The following STIM1 variants were observed in gnomAD, a reference collection of about 807,000 sequenced individuals.
STIM1 encodes the protein stromal interaction molecule 1.
In STIM1, 25 loss-of-function variants were observed where a neutral mutation model predicts 74.7. The ratio of observed to expected loss-of-function variants is 0.33; its 90% confidence interval spans 0.24 to 0.47. The LOEUF (loss-of-function observed/expected upper bound fraction) is 0.47. STIM1 is among the 20% of genes least tolerant of loss of function. STIM1 has a pLI of 1.00. For synonymous variants in STIM1, 328 were observed against 348.8 expected, an observed-to-expected ratio of 0.94 and a Z score of 0.66; for missense variants, 728 against 920.8, an observed-to-expected ratio of 0.79 and a Z score of 2.71.
intron 2 of STIM1, chr11:3,972,924 A>G: frequency 2.0e-6 from 1 of 505,538 alleles, no homozygotes; most frequent in South Asian, 1.4e-5. Flanking sequence ...TGCATCCAAA[A>G]TTTGAGGACT....
chr11:3,917,673 G>C (rs1283053313), intron 1 of STIM1, among the ~76,000 whole-genome samples: 1 of 152,062 alleles, frequency 6.6e-6, no homozygotes, highest in African/African-American at 2.4e-5. Context: ...GGACTCAAAC[G>C]ATCACCTGCC....
chr11:3,915,437 G>A (rs1321631105), intron 1 of STIM1, among the ~76,000 whole-genome samples: 2 of 148,018 alleles, frequency 1.4e-5, no homozygotes, highest in African/African-American at 5.0e-5. Flanking sequence ...TTGCTCTGTC[G>A]CCCAGGCTGG....
chr11:4,064,215 C>T (rs546510883), intron 5 of STIM1, among the ~76,000 whole-genome samples: 15 of 152,204 alleles, frequency 9.9e-5, no homozygotes, highest in African/African-American at 2.4e-4. Flanking sequence ...TGAAAATCGC[C>T]GGCTGGAATC....
chr11:3,992,664 C>T (rs1047642795), intron 2 of STIM1, among the ~76,000 whole-genome samples: 2 of 152,242 alleles, frequency 1.3e-5, no homozygotes, highest in South Asian at 4.1e-4. Flanking sequence ...TCTGCTCATA[C>T]TTTTGAGGTC....
intron 1 of STIM1, among the ~76,000 whole-genome samples, chr11:3,962,520 C>A (rs1162839700): frequency 1.3e-5 from 2 of 151,854 alleles, no homozygotes; most frequent in African/African-American, 4.8e-5. Context: ...TTGATGGACA[C>A]TAAAGTTGAT....
intron 1 of STIM1, among the ~76,000 whole-genome samples, chr11:3,860,500 A>G (rs11030106): frequency 0.25 from 38,382 of 152,152 alleles, 5,571 homozygotes; most frequent in South Asian, 0.39. Context: ...TAGAGGTATT[A>G]TATATACATG....
In STIM1 at chr11:3,966,009, A is replaced by AAAAC. The variant is rs139956777; in HGVS notation, c.140-1523_140-1520dup. On this transcript the variant is annotated intron_variant, in intron 1 of 12. Transcript: ENST00000526596. ...GCAACAGGGTGAGACTCTGTCTCAAAAAACAAACAAACAAACAAACAAAAA... is the reference window on the plus strand; with the variant it reads ...GCAACAGGGTGAGACTCTGTCTCAAAAAACAAACAAACAAACAAACAAACAAAAA... Among the ~76,000 whole-genome samples the AAAAC allele has an allele frequency of 1.3e-3, 191 of 152,218 alleles. 1 individual carries two copies. Among genetic ancestry groups the AAAAC allele is most frequent in the African/African-American group, 4.2e-3 (175 of 41,476 alleles).
chr11:3,971,305 G>A (rs2093391508), intron 2 of STIM1, among the ~76,000 whole-genome samples: 1 of 151,834 alleles, frequency 6.6e-6, no homozygotes, highest in African/African-American at 2.4e-5. Flanking sequence ...CGAGGCGGGT[G>A]GATCACGAGG....
chr11:3,901,244 A>G (rs1263637106), intron 1 of STIM1, among the ~76,000 whole-genome samples: 1 of 152,176 alleles, frequency 6.6e-6, no homozygotes, highest in Non-Finnish European at 1.5e-5. Flanking sequence ...CATTATTATT[A>G]TTACTCAGTA....
chr11:3,959,409 G>C (rs1033330341), intron 1 of STIM1, among the ~76,000 whole-genome samples: 3 of 152,076 alleles, frequency 2.0e-5, no homozygotes, highest in Non-Finnish European at 4.4e-5. Flanking sequence ...TGGGAGATAT[G>C]GTTTTTTAAT....
At chr11:4,052,151 A>C (rs1277073184) in intron 3 of STIM1, among the ~76,000 whole-genome samples, 2 of 152,208 alleles carry the variant, frequency 1.3e-5, no homozygotes, top group Non-Finnish European at 2.9e-5. Flanking sequence ...TGGATAGGAA[A>C]AATCAATATC....
At chr11:3,901,866 T>C (rs903992244) in intron 1 of STIM1, among the ~76,000 whole-genome samples, 1 of 152,180 alleles carries the variant, frequency 6.6e-6, no homozygotes, top group Non-Finnish European at 1.5e-5. Flanking sequence ...GCTCAGGTGA[T>C]CCTCCTGCCC....
intron 3 of STIM1, among the ~76,000 whole-genome samples, chr11:4,031,135 G>A (rs1206942870): frequency 6.6e-6 from 1 of 152,164 alleles, no homozygotes; most frequent in Admixed American, 6.5e-5. Flanking sequence ...TGTAAATGGA[G>A]TTATATAATA....
At chr11:4,042,530 G>T (rs887218111) in intron 3 of STIM1, among the ~76,000 whole-genome samples, 1 of 152,174 alleles carries the variant, frequency 6.6e-6, no homozygotes, top group African/African-American at 2.4e-5. Flanking sequence ...TGCCTGGCAA[G>T]TAGTAGCTGC....
Position 3,872,591 on chromosome 11 carries a change from G to A in STIM1, c.139+16182G>A, listed in dbSNP as rs1307228289. 4.6e-4 allele frequency among the ~76,000 whole-genome samples: 66 copies of A among 143,512 alleles called. 1 individual carries two copies. The highest frequency in any genetic ancestry group is 1.5e-3 in the African/African-American group (59 of 38,394). 94.1% of individuals were successfully genotyped at this position (143,512 alleles called of 152,430 possible). A position where few individuals can be genotyped will look rare whatever the true frequency, so the allele number is the denominator to read the frequency against. ...GGCTGGAGTGCAGTGGCGCAATCTC[G>A]GCTCACTGCAAGCTCCGGCTCCCGG... is the stretch of plus-strand genomic sequence containing the variant. On this transcript the variant is annotated intron_variant, in intron 1 of 12. Coordinates refer to ENST00000526596, the MANE Select transcript of STIM1 (RefSeq NM_001382567.1).
rs192089155 is a variant in STIM1, at chr11:3,886,968, A to C, written c.139+30559A>C. 2.0e-3 allele frequency among the ~76,000 whole-genome samples: 306 copies of C among 151,492 alleles called. 1 individual carries two copies. The highest frequency in any genetic ancestry group is 3.1e-3 in the Non-Finnish European group (213 of 67,890). ...CAGTGAGCCGAGATCGCACCACTGC[A>C]CTCCAGCCTGGCGACAGAGCAAGAC... On this transcript the variant is annotated intron_variant, in intron 1 of 12. Coordinates refer to ENST00000526596, the MANE Select transcript of STIM1 (RefSeq NM_001382567.1).
intron 2 of STIM1, among the ~76,000 whole-genome samples, chr11:4,007,611 A>C (rs575356877): frequency 6.6e-6 from 1 of 152,228 alleles, no homozygotes; most frequent in African/African-American, 2.4e-5. Flanking sequence ...CTATGGGAGC[A>C]CAGAAGAAGT....
intron 1 of STIM1, among the ~76,000 whole-genome samples, chr11:3,869,974 G>T (rs2091019383): frequency 6.6e-6 from 1 of 152,170 alleles, no homozygotes; most frequent in Non-Finnish European, 1.5e-5. Flanking sequence ...TGAAGAGACT[G>T]GTGGTGCCAT....
intron 3 of STIM1, among the ~76,000 whole-genome samples, chr11:4,034,110 T>A (rs1267796586): frequency 6.6e-6 from 1 of 151,738 alleles, no homozygotes; most frequent in Admixed American, 6.6e-5. Flanking sequence ...GCGCCTGTAA[T>A]CCCAGCTACT....
Sources: allele counts gnomAD v4.1 joint callset (sites outside exome capture counted in the v4.1 genomes callset), GRCh38; gene constraint gnomAD v4.1.1; transcripts MANE v1.5; gene names NCBI Gene and HGNC (gene_info 2026-07-23, HGNC 2026-07-21).